The following RGS8 variants were observed in gnomAD, a reference collection of about 807,000 sequenced individuals.
The protein encoded by RGS8 is regulator of G protein signaling 8, also known as regulator of G-protein signaling 8.
In RGS8, 8 loss-of-function variants were observed where a neutral mutation model predicts 21.7. That is an observed-to-expected ratio of 0.37 (90% CI 0.22 to 0.66). RGS8 has a LOEUF of 0.66. Ranked by LOEUF, RGS8 falls within the 30% of genes least tolerant of loss-of-function variation. The pLI is 0.59. For synonymous variants in RGS8, 80 were observed against 83.6 expected, an observed-to-expected ratio of 0.96 and a Z score of 0.24; for missense variants, 157 against 217.9, an observed-to-expected ratio of 0.72 and a Z score of 1.76.
chr1:182,726,268 A>G, the RGS8 span, among the ~76,000 whole-genome samples: 1 of 152,004 alleles, frequency 6.6e-6, no homozygotes, highest in Non-Finnish European at 1.5e-5. Context: ...TTTTCTCTGT[A>G]GAATGTTTTC....
At chr1:182,748,347 G>T in the RGS8 span, among the ~76,000 whole-genome samples, 14 of 152,194 alleles carry the variant, frequency 9.2e-5, no homozygotes, top group Non-Finnish European at 1.9e-4. Flanking sequence ...TTTCACATGT[G>T]AGTGAGATCA....
chr1:182,706,812 T>C, the RGS8 span, among the ~76,000 whole-genome samples: 1 of 152,224 alleles, frequency 6.6e-6, no homozygotes, highest in Non-Finnish European at 1.5e-5. Context: ...CATTATTTCA[T>C]ATCAAACTCT....
At chr1:182,712,938 A>G in the RGS8 span, 1 of 152,162 alleles carries the variant, frequency 6.6e-6, no homozygotes, top group Non-Finnish European at 1.5e-5. Flanking sequence ...GGCTGAAACT[A>G]AAGTATTTCA....
At chr1:182,710,551 A>G in the RGS8 span, among the ~76,000 whole-genome samples, 1 of 152,138 alleles carries the variant, frequency 6.6e-6, no homozygotes, top group Admixed American at 6.5e-5. Context: ...CCATAACCCT[A>G]CAGCAAAGAT....
At chr1:182,689,878 G>A in the RGS8 span, among the ~76,000 whole-genome samples, 1 of 152,334 alleles carries the variant, frequency 6.6e-6, no homozygotes, top group South Asian at 2.1e-4. Context: ...TTTAAATCTT[G>A]TGATATCTCA....
the RGS8 span, among the ~76,000 whole-genome samples, chr1:182,731,884 T>C: frequency 6.6e-6 from 1 of 152,178 alleles, no homozygotes; most frequent in Non-Finnish European, 1.5e-5. Flanking sequence ...AAGCCTTGGT[T>C]CCAACTAAAG....
At chr1:182,709,668 G>A in the RGS8 span, among the ~76,000 whole-genome samples, 1 of 152,154 alleles carries the variant, frequency 6.6e-6, no homozygotes, top group African/African-American at 2.4e-5. Flanking sequence ...GTAAAGTTCT[G>A]ACACACTATT....
At chr1:182,747,005 A>G in the RGS8 span, among the ~76,000 whole-genome samples, 1 of 133,532 alleles carries the variant, frequency 7.5e-6, no homozygotes, top group African/African-American at 2.8e-5. Flanking sequence ...CAACCTCCCA[A>G]GTAGCTGGGA....
At chr1:182,697,754 A>G in the RGS8 span, among the ~76,000 whole-genome samples, 2 of 152,202 alleles carry the variant, frequency 1.3e-5, no homozygotes, top group Admixed American at 1.3e-4. Context: ...ATAATGTGGT[A>G]AGGTCGGTGA....
At chr1:182,703,458 A>G in the RGS8 span, among the ~76,000 whole-genome samples, 1 of 152,234 alleles carries the variant, frequency 6.6e-6, no homozygotes, top group African/African-American at 2.4e-5. Flanking sequence ...GTACATTTGC[A>G]TAGACCTCGG....
chr1:182,646,015 T>C (rs947264726), downstream of RGS8: 2 of 152,256 alleles, frequency 1.3e-5, no homozygotes, highest in Admixed American at 6.5e-5. Context: ...TGTATCTTTC[T>C]TAATGGCAGT....
chr1:182,658,395 C>A (rs974230796), intron 5 of RGS8: 1 of 152,176 alleles, frequency 6.6e-6, no homozygotes, highest in African/African-American at 2.4e-5. Context: ...TACAAGAGCA[C>A]AACAACAAAA....
chr1:182,722,418 A>C, the RGS8 span, among the ~76,000 whole-genome samples: 3 of 150,366 alleles, frequency 2.0e-5, no homozygotes, highest in Admixed American at 6.6e-5. Context: ...GAAAATTATT[A>C]TCTCTCAATT....
the RGS8 span, among the ~76,000 whole-genome samples, chr1:182,743,696 A>T: frequency 6.6e-6 from 1 of 152,198 alleles, no homozygotes; most frequent in Non-Finnish European, 1.5e-5. Context: ...TGCACAGTTA[A>T]TTCTTTCATT....
At chr1:182,741,727 G>A in the RGS8 span, among the ~76,000 whole-genome samples, 1 of 107,228 alleles carries the variant, frequency 9.3e-6, no homozygotes, top group African/African-American at 2.9e-5. Context: ...TCACCTCCCG[G>A]ACAGGGCGGC....
intron 1 of RGS8, among the ~76,000 whole-genome samples, chr1:182,680,522 T>C (rs1664503507): frequency 6.6e-6 from 1 of 152,170 alleles, no homozygotes; most frequent in South Asian, 2.1e-4. Flanking sequence ...CTCCTATGGC[T>C]TCCAGGCACA....
the RGS8 span, among the ~76,000 whole-genome samples, chr1:182,729,986 G>A: frequency 1.3e-5 from 2 of 152,270 alleles, no homozygotes; most frequent in South Asian, 4.1e-4. Flanking sequence ...ATCTAAAAAA[G>A]GCTGGTGAAG....
chr1:182,672,903 T>A, upstream of RGS8: 1 of 1,578,610 alleles, frequency 6.3e-7, no homozygotes, highest in Non-Finnish European at 8.7e-7. Context: ...TCTCCAAGCG[T>A]GGTCCCTGAA....
At chr1:182,650,411 C>T (rs1662950426) in intron 5 of RGS8, among the ~76,000 whole-genome samples, 1 of 152,226 alleles carries the variant, frequency 6.6e-6, no homozygotes, top group South Asian at 2.1e-4. Context: ...TTTCAAAATA[C>T]ATATTTTAAT....
Sources: gnomAD v4.1 joint callset for allele counts (sites outside exome capture counted in the v4.1 genomes callset) on GRCh38, gnomAD v4.1.1 for gene constraint, MANE v1.5 for transcripts, NCBI Gene and HGNC (gene_info 2026-07-23, HGNC 2026-07-21) for gene names.